Variants in HDAC7 observed in about 807,000 individuals in gnomAD.
HDAC7 encodes the protein histone deacetylase 7A.
HDAC7 carries 26 observed loss-of-function variants against 115.5 expected under a neutral mutation model. The ratio of observed to expected loss-of-function variants is 0.23; its 90% confidence interval spans 0.16 to 0.31. The LOEUF (loss-of-function observed/expected upper bound fraction) is 0.31. Among genes scored for constraint, HDAC7 ranks in the 10% least tolerant of loss-of-function variants. The pLI is 1.00. For missense variants in HDAC7, 1,068 were observed against 1,329.0 expected, an observed-to-expected ratio of 0.80 and a Z score of 3.05; for synonymous variants, 564 against 550.9, an observed-to-expected ratio of 1.02 and a Z score of -0.33.
chr12:47,804,281 G>A (rs1234354499), intron 1 of HDAC7, among the ~76,000 whole-genome samples: 7 of 152,200 alleles, frequency 4.6e-5, no homozygotes, highest in Admixed American at 2.6e-4. Flanking sequence ...CTTTTCCCCC[G>A]CTCCCTGGCC....
At chr12:47,813,936 G>A (rs1228202183) in intron 1 of HDAC7, among the ~76,000 whole-genome samples, 1 of 152,256 alleles carries the variant, frequency 6.6e-6, no homozygotes, top group Non-Finnish European at 1.5e-5. Context: ...GAGGTTGGAG[G>A]TGAGAGGGGC....
intron 16 of HDAC7, 25 bp downstream of exon 16, chr12:47,791,234 C>A: frequency 6.3e-7 from 1 of 1,584,150 alleles, no homozygotes. Context: ...GGCAACGCCC[C>A]CCTGAGACCC....
At chr12:47,802,123 C>A in intron 2 of HDAC7, 101 bp downstream of exon 2, 4 of 1,284,952 alleles carry the variant, frequency 3.1e-6, no homozygotes, top group East Asian at 5.1e-5. Flanking sequence ...GATCAGCCAG[C>A]GACCCTGCTT....
At chr12:47,794,491 A>G (rs747424464) in intron 12 of HDAC7, among the ~76,000 whole-genome samples, 90 of 152,206 alleles carry the variant, frequency 5.9e-4, no homozygotes, top group Non-Finnish European at 1.2e-3. Context: ...TGGCTCCAGG[A>G]AAGGACAGAC....
intron 7 of HDAC7, 23 bp downstream of exon 7, chr12:47,796,994 G>T (rs371782705): frequency 5.3e-6 from 8 of 1,521,564 alleles, no homozygotes; most frequent in Non-Finnish European, 7.0e-6. Flanking sequence ...GATGGCAACC[G>T]CACTGGCTCA....
intron 1 of HDAC7, chr12:47,817,444 C>A (rs1231274399): frequency 2.6e-5 from 4 of 152,338 alleles, no homozygotes; most frequent in Non-Finnish European, 5.9e-5. Flanking sequence ...CCAACACACA[C>A]AAATGCACAG....
In HDAC7 at chr12:47,787,410, T is replaced by C. The variant is rs916681315; in HGVS notation, c.2453+302A>G. 3.9e-5 allele frequency among the ~76,000 whole-genome samples: 6 copies of C among 152,204 alleles called. No individual in the cohort carries two copies. In the East Asian group the frequency reaches 7.7e-4, roughly 20 times the overall value. On this transcript the variant is annotated intron_variant, in intron 21 of 25. Transcript: ENST00000080059. ...AGTGTTTGAAGATCCATTTCCAGAA[T>C]TCTCTTTTCCCAAATAGAGTGGCAG...
chr12:47,813,046 C>T (rs955894361), intron 1 of HDAC7: 2 of 152,298 alleles, frequency 1.3e-5, no homozygotes, highest in Admixed American at 1.3e-4. Context: ...TCCCGGGACC[C>T]AGGGGAAGCA....
Position 47,791,933 on chromosome 12 carries a change from C to G in HDAC7, c.1750G>C (p.Ala584Pro). 4 of 1,610,702 alleles carry G rather than the reference C, an allele frequency of 2.5e-6. No individual in the cohort carries two copies. Among genetic ancestry groups the G allele is most frequent in the Non-Finnish European group, 3.4e-6 (4 of 1,179,132 alleles). Residue 584 changes from alanine to proline, a missense_variant, in exon 14 of 26, where the codon GCC becomes CCC. Around this residue, in one of 6 missense-constraint regions of HDAC7, gnomAD observed 618 missense variants for 701.5 expected, o/e 0.88. Transcript: ENST00000080059. Reference protein sequence around the residue: ...CGDNSRHPEHAGRIQSIWSRL... With the variant: ...CGDNSRHPEHPGRIQSIWSRL... ...GACCAGATGCTCTGGATGCGGCCGG[C>G]GTGCTCCGGGTGCCTGCTGTTGTCA...
At chr12:47,809,593 T>G (rs1944562182) in intron 1 of HDAC7, among the ~76,000 whole-genome samples, 1 of 152,156 alleles carries the variant, frequency 6.6e-6, no homozygotes, top group African/African-American at 2.4e-5. Context: ...TATTTTGAGA[T>G]GGAGTCCCAC....
chr12:47,797,577 C>G lies in HDAC7; in HGVS notation c.462-78G>C. The G allele has an allele frequency of 5.5e-6, 6 of 1,081,354 alleles. No homozygotes were observed. The highest frequency in any genetic ancestry group is 2.3e-5 in the Admixed American group (1 of 42,970). The allele number at this position is 1,081,354 out of a possible 1,614,324, so 67.0% of individuals were successfully genotyped here. On this transcript the variant is annotated intron_variant, in intron 5 of 25. Coordinates refer to ENST00000080059, the MANE Select transcript of HDAC7 (RefSeq NM_015401.5). The surrounding 1 kb of genome is among the most constrained non-coding windows in gnomAD (Gnocchi z 5.5). ...ACTGCCCTGAGCACGGGCCCTGGGA[C>G]CTGAGGGGGAGGCTGCAGCGGGCAG...
chr12:47,812,994 G>C (rs970798050), intron 1 of HDAC7: 1 of 152,260 alleles, frequency 6.6e-6, no homozygotes, highest in African/African-American at 2.4e-5. Flanking sequence ...TGGGGGTGGG[G>C]TGCTGCGCCA....
intron 2 of HDAC7, among the ~76,000 whole-genome samples, chr12:47,799,434 A>G (rs1177280299): frequency 6.6e-6 from 1 of 152,246 alleles, no homozygotes; most frequent in Non-Finnish European, 1.5e-5. Flanking sequence ...GCAGGCAAAC[A>G]GGCCCACTTT....
chr12:47,783,892 G>A lies in HDAC7; in HGVS notation c.2931-6C>T. The A allele has an allele frequency of 6.2e-7, 1 of 1,613,000 alleles. No individual in the cohort carries two copies. The highest frequency in any genetic ancestry group is 8.5e-7 in the Non-Finnish European group (1 of 1,179,726). ...CCACCAGCTGCTCCGAGGGCCTGTG[G>A]GGAGGGACAAGGGTGGGATGCTGGA... On this transcript the variant is annotated splice_region_variant and splice_polypyrimidine_tract_variant and intron_variant, in intron 25 of 25. Transcript: ENST00000080059.
chr12:47,814,527 A>T (rs1944796301), intron 1 of HDAC7, among the ~76,000 whole-genome samples: 1 of 152,212 alleles, frequency 6.6e-6, no homozygotes. Context: ...GTATGGCCAC[A>T]GGGCCCTGGA....
chr12:47,796,129 C>G, intron 8 of HDAC7, 78 bp downstream of exon 8: 1 of 1,527,594 alleles, frequency 6.5e-7, no homozygotes, highest in Non-Finnish European at 8.9e-7. Context: ...GCAGCCCCAG[C>G]CCAGGTAGGG....
In HDAC7 at chr12:47,784,069, C is replaced by T. The variant is rs201088577; in HGVS notation, c.2930+10G>A. The T allele has an allele frequency of 6.2e-7, 1 of 1,612,334 alleles. No homozygotes were observed. Among genetic ancestry groups the T allele is most frequent in the South Asian group, 1.1e-5 (1 of 90,910 alleles). ...AGGCTGTGGGCCCAGGGCCAGGGGT[C>T]TGGCATTACCTATCTTCAGCCAGGA... On this transcript the variant is annotated intron_variant, in intron 25 of 25. Transcript: ENST00000080059.
Position 47,798,977 on chromosome 12 carries a change from G to T in HDAC7, c.71-5C>A. 1 of 1,488,564 alleles carries T rather than the reference G, an allele frequency of 6.7e-7. No individual in the cohort carries two copies. Among genetic ancestry groups the T allele is most frequent in the South Asian group, 1.3e-5 (1 of 74,088 alleles). The allele number at this position is 1,488,564 out of a possible 1,614,324, so 92.2% of individuals were successfully genotyped here. On this transcript the variant is annotated splice_region_variant and splice_polypyrimidine_tract_variant and intron_variant, in intron 2 of 25. Transcript: ENST00000080059. The surrounding 1 kb of genome is among the most constrained non-coding windows in gnomAD (Gnocchi z 4.3). Reference sequence around the variant, plus strand: ...CTGCACAGGGCCTGGGGCAGCCTAGGGACAGAGAGAGGGAGCAGGGTAAAC... The same window carrying T: ...CTGCACAGGGCCTGGGGCAGCCTAGTGACAGAGAGAGGGAGCAGGGTAAAC...
Position 47,793,345 on chromosome 12 carries a change from C to T in HDAC7, c.1678+24G>A. ...CGTGCAGCCGAGCCCCTCCCTCCAC[C>T]CGCCACCCTCCTCCCGGTCTCACCT... is the stretch of plus-strand genomic sequence containing the variant. On this transcript the variant is annotated intron_variant, in intron 13 of 25. Coordinates refer to ENST00000080059, the MANE Select transcript of HDAC7 (RefSeq NM_015401.5). This position sits in a 1 kb window ranked among gnomAD's most constrained non-coding sequence, Gnocchi z 4.5. 2 of 1,435,036 alleles carry T rather than the reference C, an allele frequency of 1.4e-6. No individual in the cohort carries two copies. Among genetic ancestry groups the T allele is most frequent in the Non-Finnish European group, 1.9e-6 (2 of 1,065,498 alleles). 88.9% of individuals were successfully genotyped at this position (1,435,036 alleles called of 1,614,324 possible).
Sources: gnomAD v4.1 joint callset for allele counts (sites outside exome capture counted in the v4.1 genomes callset) on GRCh38, gnomAD v4.1.1 for gene constraint, gnomAD v4.1.1 regional missense constraint, Gnocchi (gnomAD v3.1) non-coding constraint, MANE v1.5 for transcripts, NCBI Gene and HGNC (gene_info 2026-07-23, HGNC 2026-07-21) for gene names.